Variants in MEF2C observed in about 807,000 individuals in gnomAD.
MEF2C encodes the protein myocyte enhancer factor 2C.
In MEF2C, 6 loss-of-function variants were observed where a neutral mutation model predicts 50.5. The ratio of observed to expected loss-of-function variants is 0.12; its 90% CI spans 0.07 to 0.23. The LOEUF is 0.23. MEF2C is among the 10% of genes least tolerant of loss of function. The probability of loss-of-function intolerance (pLI) is 1.00; values close to 1 mark genes in which losing one functional copy is unlikely to be tolerated. For missense variants in MEF2C, 276 were observed against 605.0 expected (o/e 0.46, Z 5.70); for synonymous variants, 183 against 228.0 (o/e 0.80, Z 1.78).
chr5:88,836,679 G>A (rs1815222351), intron 1 of MEF2C, among the ~76,000 whole-genome samples: 2 of 152,170 alleles, frequency 1.3e-5, no homozygotes, highest in South Asian at 4.1e-4. Context: ...CCTAGCAGGA[G>A]GCTCCTTATC....
Position 88,719,782 on chromosome 5 carries a change from T to A in MEF2C, c.*2822A>T, listed in dbSNP as rs948593726. ...TCATCTTTTAAAAATTCTCAGATTA[T>A]CCCTTCCCTATCTTGCCACCACTTT... On this transcript the variant is annotated 3_prime_UTR_variant, in exon 11 of 11. Coordinates refer to ENST00000504921, the MANE Select transcript of MEF2C (RefSeq NM_002397.5). The A allele has an allele frequency of 6.6e-6, 1 of 152,210 alleles. No individual in the cohort carries two copies. Among genetic ancestry groups the A allele is most frequent in the African/African-American group, 2.4e-5 (1 of 41,458 alleles). 9.4% of individuals were successfully genotyped at this position (152,210 alleles called of 1,614,324 possible).
At chr5:88,838,551 T>C in intron 1 of MEF2C, 1 of 984,808 alleles carries the variant, frequency 1.0e-6, no homozygotes. Flanking sequence ...AGTTAAGAAT[T>C]ACACAGAATT....
intron 3 of MEF2C, chr5:88,772,938 G>A (rs1783043847): frequency 1.0e-6 from 1 of 983,858 alleles, no homozygotes; most frequent in Non-Finnish European, 1.2e-6. Context: ...TGCCATCCCA[G>A]AGACTGCCAT....
At chr5:88,784,011 G>T (rs1001714560) in intron 3 of MEF2C, among the ~76,000 whole-genome samples, 2 of 152,146 alleles carry the variant, frequency 1.3e-5, no homozygotes, top group Admixed American at 6.5e-5. Flanking sequence ...AGAAATGAAG[G>T]TAAAAATATA....
intron 2 of MEF2C, among the ~76,000 whole-genome samples, chr5:88,815,289 A>C (rs1433706294): frequency 1.3e-5 from 2 of 152,066 alleles, no homozygotes; most frequent in Admixed American, 1.3e-4. Flanking sequence ...GGAAGAGTGT[A>C]ACTTCTTCCT....
At chr5:88,804,036 T>G (rs1192534421) in intron 3 of MEF2C, among the ~76,000 whole-genome samples, 1 of 152,194 alleles carries the variant, frequency 6.6e-6, no homozygotes, top group African/African-American at 2.4e-5. Context: ...CATTGATATA[T>G]ATAATGATAT....
At position 88,729,402 on chromosome 5, in the gene MEF2C, A is replaced by T. The variant is rs978784727; in HGVS notation, c.835-55T>A. ...ATGAATTTTTTTAAAAGTTAAAAAT[A>T]TTAGATTTCAGTATTAGTTTTCCAC... On this transcript the variant is annotated intron_variant, in intron 8 of 10. Coordinates refer to ENST00000504921, the MANE Select transcript of MEF2C (RefSeq NM_002397.5). 5 of 1,446,336 alleles carry T rather than the reference A, an allele frequency of 3.5e-6. No homozygotes were observed. The African/African-American group carries it at 5.7e-5, about 16-fold the overall frequency. 89.6% of individuals were successfully genotyped at this position (1,446,336 alleles called of 1,614,324 possible).
intron 6 of MEF2C, among the ~76,000 whole-genome samples, chr5:88,746,001 T>C (rs941023662): frequency 5.3e-5 from 8 of 152,244 alleles, no homozygotes; most frequent in Non-Finnish European, 1.2e-4. Flanking sequence ...AGTTTAGATG[T>C]CTACTGTTAG....
intron 1 of MEF2C, chr5:88,824,144 T>C (rs1809790489): frequency 2.2e-6 from 2 of 914,700 alleles, no homozygotes; most frequent in South Asian, 1.0e-4. Flanking sequence ...TCATAAGTAA[T>C]TTAACAAGTC....
At chr5:88,728,700 A>G (rs996343398) in intron 9 of MEF2C, 72 bp from the exon 10 acceptor site, 29 of 1,119,280 alleles carry the variant, frequency 2.6e-5, no homozygotes, top group Non-Finnish European at 3.4e-5. Flanking sequence ...TAGAATAAAC[A>G]TTTTCAATTT....
intron 1 of MEF2C, among the ~76,000 whole-genome samples, chr5:88,877,580 A>G (rs910746657): frequency 1.7e-4 from 26 of 152,038 alleles, no homozygotes; most frequent in African/African-American, 6.0e-4. Flanking sequence ...TCACAGACAA[A>G]AATAACAAAA....
chr5:88,811,629 C>T (rs986497667), intron 2 of MEF2C, among the ~76,000 whole-genome samples: 3 of 152,126 alleles, frequency 2.0e-5, no homozygotes, highest in African/African-American at 7.2e-5. Flanking sequence ...CCCACCCATA[C>T]ATTATCGCCT....
chr5:88,747,036 TC>T (rs1294136108), intron 6 of MEF2C, among the ~76,000 whole-genome samples: 1 of 152,194 alleles, frequency 6.6e-6, no homozygotes, highest in Non-Finnish European at 1.5e-5. Flanking sequence ...ATGGTAGAGG[TC>T]CTGAGGTAAG....
intron 3 of MEF2C, among the ~76,000 whole-genome samples, chr5:88,764,791 G>C (rs1266777199): frequency 8.6e-6 from 1 of 116,398 alleles, no homozygotes; most frequent in Non-Finnish European, 1.6e-5. Flanking sequence ...CTGGGCAACA[G>C]AGTGAGACTC....
In MEF2C at chr5:88,737,762, G is replaced by C. The variant is rs918344583; in HGVS notation, c.638-5861C>G. Reference sequence around the variant, plus strand: ...ATGAAACAATGGATCTTGAAGAGCAGAAAGTTTTCCGAAGTTGAAAAAGAA... The same window carrying C: ...ATGAAACAATGGATCTTGAAGAGCACAAAGTTTTCCGAAGTTGAAAAAGAA... On this transcript the variant is annotated intron_variant, in intron 6 of 10. Transcript: ENST00000504921. 2.0e-5 allele frequency: 20 copies of C among 985,290 alleles called. No individual in the cohort carries two copies. In the African/African-American group the frequency reaches 3.1e-4, roughly 15 times the overall value. 61.0% of individuals were successfully genotyped at this position (985,290 alleles called of 1,614,324 possible).
chr5:88,798,702 C>T (rs1797036893), intron 3 of MEF2C, among the ~76,000 whole-genome samples: 1 of 152,098 alleles, frequency 6.6e-6, no homozygotes, highest in Admixed American at 6.5e-5. Context: ...AGTTGTGATC[C>T]TTTGGAGGAG....
At chr5:88,784,502 G>T (rs2152907507) in intron 3 of MEF2C, among the ~76,000 whole-genome samples, 1 of 152,236 alleles carries the variant, frequency 6.6e-6, no homozygotes, top group Non-Finnish European at 1.5e-5. Flanking sequence ...TCTATTATAT[G>T]TAGTAATTCA....
At chr5:88,837,730 A>G (rs1815742011) in intron 1 of MEF2C, among the ~76,000 whole-genome samples, 1 of 152,216 alleles carries the variant, frequency 6.6e-6, no homozygotes, top group African/African-American at 2.4e-5. Context: ...TTGGATAAAT[A>G]GAATTGTTTT....
chr5:88,734,930 C>G (rs1314051849), intron 6 of MEF2C: 2 of 984,552 alleles, frequency 2.0e-6, no homozygotes, highest in Non-Finnish European at 2.4e-6. Context: ...TTTTTAAGAA[C>G]AAATAAATTC....
Sources: gnomAD v4.1 joint callset for allele counts (sites outside exome capture counted in the v4.1 genomes callset) on GRCh38, gnomAD v4.1.1 for gene constraint, MANE v1.5 for transcripts, NCBI Gene and HGNC (gene_info 2026-07-23, HGNC 2026-07-21) for gene names.